Variants in RGL1 observed in about 807,000 individuals in gnomAD.
RGL1 encodes ral guanine nucleotide dissociation stimulator-like 1.
In RGL1, 24 loss-of-function variants were observed where a neutral mutation model predicts 95.2. That is an observed-to-expected ratio of 0.25 (90% confidence interval 0.18 to 0.35). RGL1 has a LOEUF of 0.35. RGL1 is among the 10% of genes least tolerant of loss of function. The pLI, the probability that RGL1 is intolerant of heterozygous loss-of-function variation, is 1.00. For missense variants in RGL1, 715 were observed against 936.3 expected, an observed-to-expected ratio of 0.76 and a Z score of 3.08; for synonymous variants, 329 against 344.9, an observed-to-expected ratio of 0.95 and a Z score of 0.51.
At chr1:183,758,781 G>A (rs541093404) in intron 2 of RGL1, among the ~76,000 whole-genome samples, 1 of 152,152 alleles carries the variant, frequency 6.6e-6, no homozygotes, top group South Asian at 2.1e-4. Context: ...ACAAAGTTTG[G>A]GAACACAAAC....
intron 1 of RGL1, among the ~76,000 whole-genome samples, chr1:183,649,484 T>C (rs1308066882): frequency 6.6e-6 from 1 of 152,180 alleles, no homozygotes; most frequent in African/African-American, 2.4e-5. Context: ...TGGAAATAAT[T>C]TGGAGGTTTT....
chr1:183,912,089 C>T lies in RGL1; in HGVS notation c.1570C>T (p.Leu524=), dbSNP rs1309887313. Residue 524 remains leucine (L), a synonymous_variant, in exon 15 of 18, where the codon CTA becomes TTA. Transcript: ENST00000360851. Reference sequence around the variant, plus strand: ...CATTCTGTTTTTTTCCAGACTGTTTCTAGGGTCTGACATGATCACCAGTCC... The same window carrying T: ...CATTCTGTTTTTTTCCAGACTGTTTTTAGGGTCTGACATGATCACCAGTCC... ...SMVKRLSLLF[L]GSDMITSPTP... The T allele has an allele frequency of 2.5e-6, 4 of 1,613,170 alleles. No homozygotes were observed. In the South Asian group the frequency reaches 4.4e-5, roughly 18 times the overall value.
intron 2 of RGL1, among the ~76,000 whole-genome samples, chr1:183,816,616 T>C (rs976533672): frequency 6.6e-6 from 1 of 152,230 alleles, no homozygotes; most frequent in Non-Finnish European, 1.5e-5. Flanking sequence ...TTAATGTGTA[T>C]AAAAGTATTT....
At chr1:183,825,600 A>G (rs1662792561) in intron 2 of RGL1, among the ~76,000 whole-genome samples, 1 of 152,204 alleles carries the variant, frequency 6.6e-6, no homozygotes, top group Non-Finnish European at 1.5e-5. Context: ...TCTCTGAGTA[A>G]CCCAAATAGC....
At chr1:183,909,314 G>A (rs1356262334) in intron 14 of RGL1, among the ~76,000 whole-genome samples, 2 of 152,156 alleles carry the variant, frequency 1.3e-5, no homozygotes, top group East Asian at 3.8e-4. Context: ...GAAAACTTTG[G>A]GTGCTTAGGC....
At chr1:183,711,683 T>C (rs996696576) in intron 1 of RGL1, among the ~76,000 whole-genome samples, 1 of 152,192 alleles carries the variant, frequency 6.6e-6, no homozygotes, top group Admixed American at 6.5e-5. Context: ...CTACATTCAA[T>C]TGAACCTGTG....
At chr1:183,878,712 T>C (rs556767786) in intron 4 of RGL1, among the ~76,000 whole-genome samples, 2 of 152,288 alleles carry the variant, frequency 1.3e-5, no homozygotes, top group South Asian at 2.1e-4. Context: ...ATTTAAGAAG[T>C]GAATAATATA....
chr1:183,691,786 T>C (rs1653958511), intron 1 of RGL1, among the ~76,000 whole-genome samples: 1 of 152,162 alleles, frequency 6.6e-6, no homozygotes, highest in Non-Finnish European at 1.5e-5. Flanking sequence ...TTGTGCATTT[T>C]TGATTTATAA....
chr1:183,869,913 C>T (rs1572529175), intron 4 of RGL1, among the ~76,000 whole-genome samples: 1 of 152,182 alleles, frequency 6.6e-6, no homozygotes, highest in Admixed American at 6.5e-5. Flanking sequence ...CTCAACAGGG[C>T]GATTGTTATC....
chr1:183,900,335 G>GA, intron 11 of RGL1, 99 bp downstream of exon 11: 1 of 894,244 alleles, frequency 1.1e-6, no homozygotes, highest in Non-Finnish European at 1.8e-6. Flanking sequence ...AGGTCCAAAA[G>GA]TACATGGCAT....
At chr1:183,799,475 T>C (rs1660875707) in intron 2 of RGL1, among the ~76,000 whole-genome samples, 1 of 152,178 alleles carries the variant, frequency 6.6e-6, no homozygotes, top group Admixed American at 6.5e-5. Context: ...CCAACACTTG[T>C]TTGTTTTTTG....
chr1:183,672,728 G>A (rs1459137612), intron 1 of RGL1, among the ~76,000 whole-genome samples: 2 of 152,136 alleles, frequency 1.3e-5, no homozygotes, highest in African/African-American at 2.4e-5. Context: ...ATTTTCTAAA[G>A]TTCTTGGGAG....
intron 2 of RGL1, among the ~76,000 whole-genome samples, chr1:183,824,759 C>A (rs1662735238): frequency 6.6e-6 from 1 of 152,214 alleles, no homozygotes; most frequent in South Asian, 2.1e-4. Flanking sequence ...ACCTTGATCT[C>A]TTTAGGTGCT....
At chr1:183,797,099 G>C (rs1660737810) in intron 2 of RGL1, among the ~76,000 whole-genome samples, 1 of 152,158 alleles carries the variant, frequency 6.6e-6, no homozygotes, top group Non-Finnish European at 1.5e-5. Flanking sequence ...GGAGGCCAAG[G>C]TGGGTGGATC....
intron 1 of RGL1, among the ~76,000 whole-genome samples, chr1:183,641,500 G>A (rs1030104610): frequency 1.3e-5 from 2 of 152,032 alleles, no homozygotes; most frequent in Non-Finnish European, 2.9e-5. Flanking sequence ...TCAACTCCTG[G>A]CCTCAAGCGA....
At chr1:183,873,204 TA>T (rs1166318059) in intron 4 of RGL1, among the ~76,000 whole-genome samples, 1 of 152,190 alleles carries the variant, frequency 6.6e-6, no homozygotes, top group African/African-American at 2.4e-5. Flanking sequence ...TTTTCTACAT[TA>T]AAGAATGTCT....
At chr1:183,773,836 G>A (rs1476110273) in intron 2 of RGL1, among the ~76,000 whole-genome samples, 5 of 151,844 alleles carry the variant, frequency 3.3e-5, no homozygotes, top group Non-Finnish European at 7.4e-5. Flanking sequence ...GTTGATCAAG[G>A]AATAAAAAAA....
chr1:183,803,143 A>G (rs1437567581), upstream of RGL1, among the ~76,000 whole-genome samples: 1 of 152,250 alleles, frequency 6.6e-6, no homozygotes, highest in Non-Finnish European at 1.5e-5. Context: ...ACAAATAGTT[A>G]TTCTTGGAAA....
intron 2 of RGL1, among the ~76,000 whole-genome samples, chr1:183,753,954 A>AT (rs11368833): frequency 0.69 from 101,779 of 147,238 alleles, 35,244 homozygotes; most frequent in East Asian, 0.91. Flanking sequence ...CAGTGGGTTC[A>AT]TTTTTTTTTT....
Sources: allele counts gnomAD v4.1 joint callset (sites outside exome capture counted in the v4.1 genomes callset), GRCh38; gene constraint gnomAD v4.1.1; transcripts MANE v1.5; gene names NCBI Gene and HGNC (gene_info 2026-07-23, HGNC 2026-07-21).